PKHD1: variants seen among roughly 807,000 people sequenced by gnomAD.
PKHD1 encodes PKHD1 ciliary IPT domain containing fibrocystin/polyductin.
PKHD1 carries 291 observed loss-of-function variants against 412.0 expected under a neutral mutation model. That is an observed-to-expected ratio of 0.71 (90% CI 0.64 to 0.78). PKHD1 has a LOEUF of 0.78. Among genes scored for constraint, PKHD1 ranks in the 30% least tolerant of loss-of-function variants. The probability of loss-of-function intolerance (pLI) is 0.00; values close to 1 mark genes in which losing one functional copy is unlikely to be tolerated. For synonymous variants in PKHD1, 1,777 were observed against 1,821.5 expected, an observed-to-expected ratio of 0.98 and a Z score of 0.62; for missense variants, 4,825 against 4,950.7, an observed-to-expected ratio of 0.97 and a Z score of 0.76.
intron 35 of PKHD1, 143 bp downstream of exon 35, chr6:52,010,166 C>A: frequency 1.4e-6 from 1 of 708,436 alleles, no homozygotes; most frequent in Non-Finnish European, 2.5e-6. Context: ...AGATATTGTG[C>A]ATTAGACCAG....
intron 35 of PKHD1, among the ~76,000 whole-genome samples, chr6:51,984,076 T>G (rs1043975809): frequency 5.9e-5 from 9 of 152,190 alleles, no homozygotes. Context: ...CTCTGAGTTA[T>G]GACAAAGGGG....
At chr6:51,975,196 T>C (rs1794212191) in intron 35 of PKHD1, among the ~76,000 whole-genome samples, 1 of 152,176 alleles carries the variant, frequency 6.6e-6, no homozygotes, top group Non-Finnish European at 1.5e-5. Context: ...AAGACGTTTC[T>C]TTGTTTTTAC....
chr6:51,865,845 T>TG (rs1323625404), intron 48 of PKHD1, among the ~76,000 whole-genome samples: 1 of 152,192 alleles, frequency 6.6e-6, no homozygotes, highest in Non-Finnish European at 1.5e-5. Flanking sequence ...AGCTCTGACA[T>TG]GTTCCTAATG....
chr6:51,874,077 A>C (rs1776433156), intron 46 of PKHD1, among the ~76,000 whole-genome samples: 1 of 152,206 alleles, frequency 6.6e-6, no homozygotes, highest in Non-Finnish European at 1.5e-5. Flanking sequence ...GTCTAAATTG[A>C]AGAAGACAAA....
intron 60 of PKHD1, among the ~76,000 whole-genome samples, chr6:51,727,884 A>G (rs1368420909): frequency 6.6e-6 from 1 of 152,148 alleles, no homozygotes; most frequent in East Asian, 1.9e-4. Context: ...TTGCCAAACC[A>G]TCACTCAACA....
At chr6:51,909,530 CA>C (rs1782647698) in intron 39 of PKHD1, 56 bp from the exon 40 acceptor site, 1 of 1,345,536 alleles carries the variant, frequency 7.4e-7, no homozygotes, top group Non-Finnish European at 1.1e-6. Context: ...TGCTTCCAGA[CA>C]AATCTCCCAG....
At chr6:51,889,588 G>A (rs1365614175) in intron 43 of PKHD1, among the ~76,000 whole-genome samples, 5 of 152,126 alleles carry the variant, frequency 3.3e-5, no homozygotes, top group Non-Finnish European at 7.3e-5. Context: ...CTTTACCTGG[G>A]GGTATATTAG....
At chr6:51,836,681 C>G (rs1380041331) in intron 50 of PKHD1, among the ~76,000 whole-genome samples, 1 of 152,184 alleles carries the variant, frequency 6.6e-6, no homozygotes, top group African/African-American at 2.4e-5. Flanking sequence ...GCAATGAGGT[C>G]TCCAGGAGAA....
At chr6:51,859,687 C>T (rs1773890376) in intron 48 of PKHD1, among the ~76,000 whole-genome samples, 1 of 152,116 alleles carries the variant, frequency 6.6e-6, no homozygotes. Context: ...ACCACATTTA[C>T]AGACCAATTT....
intron 60 of PKHD1, among the ~76,000 whole-genome samples, chr6:51,681,122 C>A (rs1776598702): frequency 6.6e-6 from 1 of 152,040 alleles, no homozygotes; most frequent in African/African-American, 2.4e-5. Flanking sequence ...ATTGCTACAT[C>A]TAGGAAACCT....
intron 64 of PKHD1, among the ~76,000 whole-genome samples, chr6:51,638,395 G>C (rs1768866051): frequency 6.6e-6 from 1 of 152,114 alleles, no homozygotes; most frequent in East Asian, 1.9e-4. Flanking sequence ...AACTGGATCA[G>C]ATATGCAATT....
At chr6:51,997,766 C>G (rs2128090139) in intron 35 of PKHD1, among the ~76,000 whole-genome samples, 1 of 152,296 alleles carries the variant, frequency 6.6e-6, no homozygotes, top group East Asian at 1.9e-4. Flanking sequence ...AAACACATCA[C>G]CGATGACATG....
intron 52 of PKHD1, among the ~76,000 whole-genome samples, chr6:51,824,197 T>A (rs1766942526): frequency 6.6e-6 from 1 of 152,034 alleles, no homozygotes; most frequent in Non-Finnish European, 1.5e-5. Flanking sequence ...ATAATTTACA[T>A]ATATATTAAT....
intron 43 of PKHD1, among the ~76,000 whole-genome samples, chr6:51,892,612 CCA>C (rs1779287029): frequency 6.6e-6 from 1 of 152,062 alleles, no homozygotes; most frequent in Admixed American, 6.5e-5. Context: ...GCAAAATAAC[CCA>C]CACTCATTTT....
rs1057516413 is a variant in PKHD1 at position 51,748,142 on chromosome 6, C to CATGG, written c.9470_9473dup (p.Met3158IlefsTer45). 2 of 1,614,094 alleles carry CATGG rather than the reference C, an allele frequency of 1.2e-6. No individual in the cohort carries two copies. Among genetic ancestry groups the CATGG allele is most frequent in the Non-Finnish European group, 1.7e-6 (2 of 1,179,960 alleles). ...TCTCCACGCTGTTCTCTACATGTAA[C>CATGG]ATGGCACCATAGTCAAAGTTCTTGA... On this transcript the variant is annotated frameshift_variant, in exon 58 of 67. Transcript: ENST00000371117. LOFTEE classifies it high-confidence loss of function.
chr6:51,884,433 A>G (rs1777883081), intron 45 of PKHD1, among the ~76,000 whole-genome samples: 1 of 152,330 alleles, frequency 6.6e-6, no homozygotes, highest in African/African-American at 2.4e-5. Context: ...GTTGCTTTGT[A>G]GCAAGTTTTA....
chr6:52,062,610 G>T lies in PKHD1; in HGVS notation c.1027C>A (p.Leu343Met), dbSNP rs780324753. Reference protein sequence around the residue: ...EVGDAVEGLELTEATPGYRWQ... With the variant: ...EVGDAVEGLEMTEATPGYRWQ... ...CTGTACCCTGGGGTGGCTTCAGTCA[G>T]TTCCAGTCCCTCAACAGCATCTCCA... The change falls in exon 14 of 67, where the codon CTG (leucine) becomes ATG (methionine). Residue 343 changes from leucine to methionine, a missense_variant. Leu to Met is a conservative substitution (Grantham distance 15). Transcript: ENST00000371117. The T allele has an allele frequency of 3.7e-6, 6 of 1,614,108 alleles. No homozygotes were observed. In the East Asian group the frequency reaches 8.9e-5, roughly 24 times the overall value.
chr6:51,860,550 A>T (rs1562483081), intron 48 of PKHD1, among the ~76,000 whole-genome samples: 1 of 152,160 alleles, frequency 6.6e-6, no homozygotes, highest in Non-Finnish European at 1.5e-5. Context: ...AATTTGGAGG[A>T]GCCAAGGGAG....
intron 55 of PKHD1, among the ~76,000 whole-genome samples, chr6:51,755,305 T>A (rs931703590): frequency 6.6e-6 from 1 of 152,158 alleles, no homozygotes; most frequent in Non-Finnish European, 1.5e-5. Context: ...AAAGAACTTT[T>A]CTCTAATTTT....
Sources: allele counts gnomAD v4.1 joint callset (sites outside exome capture counted in the v4.1 genomes callset), GRCh38; gene constraint gnomAD v4.1.1; transcripts MANE v1.5; gene names NCBI Gene and HGNC (gene_info 2026-07-23, HGNC 2026-07-21).